Variants in ZFAT observed in about 807,000 individuals in gnomAD.
ZFAT encodes zinc finger and AT-hook domain containing.
ZFAT carries 64 observed loss-of-function variants against 117.7 expected under a neutral mutation model. The ratio of observed to expected loss-of-function variants is 0.54; its 90% CI spans 0.44 to 0.67. The LOEUF (loss-of-function observed/expected upper bound fraction) is 0.67. ZFAT is among the 30% of genes least tolerant of loss of function. The pLI, the probability that ZFAT is intolerant of heterozygous loss-of-function variation, is 0.00. For synonymous variants in ZFAT, 679 were observed against 615.0 expected, an observed-to-expected ratio of 1.10 and a Z score of -1.54; for missense variants, 1,433 against 1,584.5, an observed-to-expected ratio of 0.90 and a Z score of 1.62.
intron 15 of ZFAT, among the ~76,000 whole-genome samples, chr8:134,479,747 G>A (rs12544587): frequency 0.23 from 34,772 of 151,970 alleles, 4,157 homozygotes; most frequent in Admixed American, 0.29. Context: ...TGCACTGACC[G>A]GGCTTTGAGC....
At chr8:134,746,118 C>T in the ZFAT span, among the ~76,000 whole-genome samples, 4 of 152,142 alleles carry the variant, frequency 2.6e-5, no homozygotes, top group African/African-American at 9.7e-5. Context: ...CTCTCAATTC[C>T]GCTCTTTGCA....
At chr8:134,768,385 T>A in the ZFAT span, among the ~76,000 whole-genome samples, 1 of 152,228 alleles carries the variant, frequency 6.6e-6, no homozygotes, top group Non-Finnish European at 1.5e-5. Context: ...TGACCAGTTG[T>A]TCCCCAACCT....
chr8:134,533,277 A>G (rs1051360600), intron 11 of ZFAT, among the ~76,000 whole-genome samples: 7 of 152,178 alleles, frequency 4.6e-5, no homozygotes, highest in African/African-American at 1.4e-4. Flanking sequence ...GAAGAAGACA[A>G]AAAAAGCAAT....
chr8:134,780,697 G>T, the ZFAT span, among the ~76,000 whole-genome samples: 2 of 152,256 alleles, frequency 1.3e-5, no homozygotes, highest in African/African-American at 4.8e-5. Context: ...AAGGACAATA[G>T]TTAATATATT....
intron 11 of ZFAT, among the ~76,000 whole-genome samples, chr8:134,552,904 T>C (rs1823282321): frequency 6.6e-6 from 1 of 152,252 alleles, no homozygotes; most frequent in Non-Finnish European, 1.5e-5. Context: ...AATTTTGACA[T>C]GCTTTCCATA....
the ZFAT span, among the ~76,000 whole-genome samples, chr8:134,745,608 C>A: frequency 2.0e-5 from 3 of 152,192 alleles, no homozygotes; most frequent in African/African-American, 7.2e-5. Flanking sequence ...CCCAGTTTCA[C>A]AGTGATGTTC....
chr8:134,502,244 G>A (rs1408943532), intron 15 of ZFAT, among the ~76,000 whole-genome samples: 3 of 152,218 alleles, frequency 2.0e-5, no homozygotes, highest in Non-Finnish European at 1.5e-5. Context: ...TCTCAAGCCA[G>A]AGGCTGCACT....
the ZFAT span, among the ~76,000 whole-genome samples, chr8:134,806,750 T>C: frequency 6.6e-6 from 1 of 152,262 alleles, no homozygotes; most frequent in Non-Finnish European, 1.5e-5. Flanking sequence ...GCTATGACTT[T>C]GTATAATATA....
intron 3 of ZFAT, among the ~76,000 whole-genome samples, chr8:134,636,168 A>G (rs1035639255): frequency 2.6e-5 from 4 of 152,236 alleles, no homozygotes; most frequent in Non-Finnish European, 5.9e-5. Context: ...TTGCAAACCA[A>G]GAGTCTTGCT....
chr8:134,773,375 G>C, the ZFAT span, among the ~76,000 whole-genome samples: 17 of 152,196 alleles, frequency 1.1e-4, no homozygotes, highest in African/African-American at 4.1e-4. Flanking sequence ...AACCACTGCT[G>C]CTTGTTGACA....
At chr8:134,496,070 C>A (rs1818413924) in intron 15 of ZFAT, among the ~76,000 whole-genome samples, 1 of 152,188 alleles carries the variant, frequency 6.6e-6, no homozygotes, top group Non-Finnish European at 1.5e-5. Flanking sequence ...ATTCTACATG[C>A]ACAGTAAGAG....
intron 1 of ZFAT, among the ~76,000 whole-genome samples, chr8:134,669,929 C>T (rs1832465795): frequency 6.6e-6 from 1 of 151,944 alleles, no homozygotes; most frequent in African/African-American, 2.4e-5. Context: ...AAATGGACAA[C>T]AAAAAAGGCA....
chr8:134,697,588 G>A (rs1417533398), intron 1 of ZFAT, among the ~76,000 whole-genome samples: 1 of 151,036 alleles, frequency 6.6e-6, no homozygotes, highest in South Asian at 2.1e-4. Flanking sequence ...TTAGCCGGGC[G>A]TGGTAGCGGG....
chr8:134,617,098 TG>T (rs1157089704), intron 3 of ZFAT, among the ~76,000 whole-genome samples: 2 of 152,186 alleles, frequency 1.3e-5, no homozygotes, highest in African/African-American at 2.4e-5. Flanking sequence ...GCCACCCTGA[TG>T]GGCACCAAAT....
chr8:134,653,292 CAA>C (rs1261978262), intron 2 of ZFAT, among the ~76,000 whole-genome samples: 2 of 102,596 alleles, frequency 1.9e-5, no homozygotes, highest in African/African-American at 7.2e-5. Context: ...AAAAAAAAAA[CAA>C]AAAACAGGGT....
intron 1 of ZFAT, among the ~76,000 whole-genome samples, chr8:134,659,976 T>C (rs1423535706): frequency 6.6e-6 from 1 of 152,224 alleles, no homozygotes; most frequent in African/African-American, 2.4e-5. Flanking sequence ...GCTTCGCCAA[T>C]GAAAATCTCT....
chr8:134,804,211 G>A, the ZFAT span, among the ~76,000 whole-genome samples: 6 of 152,120 alleles, frequency 3.9e-5, no homozygotes, highest in African/African-American at 1.4e-4. Context: ...TATATTTTAA[G>A]GAGGAAGCAA....
chr8:134,671,170 A>C (rs186012839), intron 1 of ZFAT, among the ~76,000 whole-genome samples: 6 of 152,344 alleles, frequency 3.9e-5, no homozygotes, highest in Admixed American at 3.3e-4. Flanking sequence ...ATTCTACCAG[A>C]GGTACAAGGA....
At chr8:134,595,824 G>A (rs1826886071) in intron 7 of ZFAT, among the ~76,000 whole-genome samples, 1 of 152,198 alleles carries the variant, frequency 6.6e-6, no homozygotes. Flanking sequence ...GGCTCTAAGA[G>A]TCACAGAAAC....
Sources: allele counts gnomAD v4.1 joint callset (sites outside exome capture counted in the v4.1 genomes callset), GRCh38; gene constraint gnomAD v4.1.1; transcripts MANE v1.5; gene names NCBI Gene and HGNC (gene_info 2026-07-23, HGNC 2026-07-21).